CDKL4: variants seen among roughly 807,000 people sequenced by gnomAD.
CDKL4 encodes the protein cyclin dependent kinase like 4.
CDKL4 carries 44 observed loss-of-function variants against 42.0 expected under a neutral mutation model. The ratio of observed to expected loss-of-function variants is 1.05; its 90% CI spans 0.82 to 1.35. CDKL4 has a LOEUF of 1.35. Among genes scored for constraint, CDKL4 ranks in the 40% most tolerant of loss-of-function variants. The probability of loss-of-function intolerance (pLI) is 0.00; values close to 1 mark genes in which losing one functional copy is unlikely to be tolerated. For missense variants in CDKL4, 393 were observed against 369.9 expected (o/e 1.06, Z -0.51); for synonymous variants, 120 against 121.6 (o/e 0.99, Z 0.09).
chr2:39,189,100 C>T (rs1416900182), intron 6 of CDKL4, among the ~76,000 whole-genome samples: 1 of 152,140 alleles, frequency 6.6e-6, no homozygotes, highest in Non-Finnish European at 1.5e-5. Flanking sequence ...GTAATCTACC[C>T]CACATTTTTC....
intron 1 of CDKL4, among the ~76,000 whole-genome samples, chr2:39,243,292 T>C (rs1220107124): frequency 6.6e-6 from 1 of 152,110 alleles, no homozygotes; most frequent in East Asian, 1.9e-4. Flanking sequence ...AACTAATTAG[T>C]CAAATGGGCC....
intron 7 of CDKL4, among the ~76,000 whole-genome samples, chr2:39,187,164 C>T (rs898786011): frequency 7.2e-5 from 11 of 152,076 alleles, no homozygotes; most frequent in East Asian, 1.9e-4. Flanking sequence ...TGTGCCCTCA[C>T]CCCTCTCTCC....
chr2:39,190,560 C>A, intron 5 of CDKL4, 58 bp from the exon 6 acceptor site: 1 of 1,438,532 alleles, frequency 7.0e-7, no homozygotes, highest in Non-Finnish European at 9.8e-7. Context: ...GAACTGCTCC[C>A]AAGAACACAT....
chr2:39,223,448 G>T (rs779440336), intron 3 of CDKL4, among the ~76,000 whole-genome samples: 1 of 152,060 alleles, frequency 6.6e-6, no homozygotes, highest in African/African-American at 2.4e-5. Flanking sequence ...ATAAGACTGG[G>T]TATAATAATT....
chr2:39,234,775 T>C (rs998861095), intron 1 of CDKL4, among the ~76,000 whole-genome samples: 5 of 152,098 alleles, frequency 3.3e-5, no homozygotes, highest in African/African-American at 1.2e-4. Context: ...CAATATACAT[T>C]ACAAAGTAAC....
At chr2:39,207,977 C>T (rs1396667218) in intron 4 of CDKL4, among the ~76,000 whole-genome samples, 1 of 152,086 alleles carries the variant, frequency 6.6e-6, no homozygotes, top group Non-Finnish European at 1.5e-5. Flanking sequence ...TTGTGGGTAC[C>T]TGTAATCCCA....
chr2:39,218,929 T>C (rs1330284066), intron 3 of CDKL4, among the ~76,000 whole-genome samples: 1 of 152,222 alleles, frequency 6.6e-6, no homozygotes, highest in African/African-American at 2.4e-5. Context: ...TGTATCCCAC[T>C]GGTTTTGTTT....
intron 3 of CDKL4, among the ~76,000 whole-genome samples, chr2:39,222,371 C>T (rs895205694): frequency 6.6e-6 from 1 of 151,988 alleles, no homozygotes; most frequent in Non-Finnish European, 1.5e-5. Flanking sequence ...AGGTGGATCA[C>T]CTGAGGTTAG....
chr2:39,185,707 T>C (rs1428003018), intron 7 of CDKL4, among the ~76,000 whole-genome samples: 2 of 151,876 alleles, frequency 1.3e-5, no homozygotes, highest in Non-Finnish European at 2.9e-5. Flanking sequence ...GTGATCCGCC[T>C]GCCTCGGCCT....
chr2:39,232,714 A>G (rs72921046), intron 1 of CDKL4, among the ~76,000 whole-genome samples: 3,147 of 152,216 alleles, frequency 0.021, 90 homozygotes, highest in African/African-American at 0.072. Flanking sequence ...TGCCTTCAAT[A>G]TAACAAGAAG....
At chr2:39,237,545 A>G (rs1237183165) in intron 1 of CDKL4, among the ~76,000 whole-genome samples, 1 of 152,216 alleles carries the variant, frequency 6.6e-6, no homozygotes, top group East Asian at 1.9e-4. Context: ...AAAGAAATTA[A>G]AGGCATATAC....
chr2:39,170,023 G>A, the CDKL4 span, among the ~76,000 whole-genome samples: 1 of 151,942 alleles, frequency 6.6e-6, no homozygotes, highest in Non-Finnish European at 1.5e-5. Context: ...ACCACTCCTG[G>A]CTAACTTTTG....
intron 8 of CDKL4, 37 bp from the exon 9 acceptor site, chr2:39,179,358 G>A: frequency 6.6e-7 from 1 of 1,511,932 alleles, no homozygotes; most frequent in Non-Finnish European, 8.9e-7. Flanking sequence ...GATGTTAAGG[G>A]AGGGGCTCAT....
intron 1 of CDKL4, among the ~76,000 whole-genome samples, chr2:39,241,335 A>G (rs1415840423): frequency 6.6e-6 from 1 of 152,256 alleles, no homozygotes; most frequent in Admixed American, 6.5e-5. Flanking sequence ...GAGTCCAGAT[A>G]TATGAGTTTA....
rs868486651 is a variant in CDKL4, at chr2:39,243,212, C to T, written c.-57+659G>A. ...CCATATCAGTTAGGGAATCCACAGG[C>T]TGGTAAAGTCACAACCTCCTATGTT... On this transcript the variant is annotated intron_variant, in intron 1 of 9. Transcript: ENST00000451199. Among the ~76,000 whole-genome samples the T allele has an allele frequency of 2.3e-3, 341 of 147,460 alleles. 1 individual carries two copies. The highest frequency in any genetic ancestry group is 8.2e-3 in the African/African-American group (322 of 39,426).
At chr2:39,181,188 A>G (rs12165133) in intron 8 of CDKL4, among the ~76,000 whole-genome samples, 112,276 of 152,068 alleles carry the variant, frequency 0.74, 45,786 homozygotes, top group Non-Finnish European at 0.92. Context: ...CCCTCCTTGA[A>G]ACTTTGTTTC....
In CDKL4 at chr2:39,228,966, T is replaced by C. The variant is rs568016981; in HGVS notation, c.168+399A>G. Among the ~76,000 whole-genome samples the C allele has an allele frequency of 2.6e-3, 393 of 152,248 alleles. 2 individuals are homozygous for C. The highest frequency in any genetic ancestry group is 6.8e-3 in the Middle Eastern group (2 of 294). On this transcript the variant is annotated intron_variant, in intron 2 of 9. Coordinates refer to ENST00000451199, the Ensembl canonical transcript of CDKL4. The stretch of plus-strand genomic sequence containing the variant: ...TGCAGTGCAGGCAGGAACCAACGCA[T>C]GTCGATGCCTACCAGGGCATTGGTG...
chr2:39,222,622 T>C (rs1209086389), intron 3 of CDKL4, among the ~76,000 whole-genome samples: 1 of 151,830 alleles, frequency 6.6e-6, no homozygotes, highest in Non-Finnish European at 1.5e-5. Context: ...AATATTATGA[T>C]AGAGACAGTG....
At chr2:39,173,798 G>C (rs1675063523), downstream of CDKL4, among the ~76,000 whole-genome samples, 1 of 131,020 alleles carries the variant, frequency 7.6e-6, no homozygotes, top group Non-Finnish European at 1.6e-5. Context: ...GGGCGACAGA[G>C]TGAGACTCCA....
Sources: allele counts gnomAD v4.1 joint callset (sites outside exome capture counted in the v4.1 genomes callset), GRCh38; gene constraint gnomAD v4.1.1; transcripts MANE v1.5; gene names NCBI Gene and HGNC (gene_info 2026-07-23, HGNC 2026-07-21).